Variants in BOC observed in about 807,000 individuals in gnomAD.
The protein encoded by BOC is BOC cell adhesion associated, oncogene regulated, also known as brother of CDO.
In BOC, 76 loss-of-function variants were observed where a neutral mutation model predicts 112.0. The ratio of observed to expected loss-of-function variants is 0.68; its 90% CI spans 0.56 to 0.82. The LOEUF (loss-of-function observed/expected upper bound fraction) is 0.82. Among genes scored for constraint, BOC ranks in the 40% least tolerant of loss-of-function variants. BOC has a pLI of 0.00. For missense variants in BOC, 1,309 were observed against 1,511.7 expected (o/e 0.87, Z 2.22); for synonymous variants, 580 against 599.8 (o/e 0.97, Z 0.48).
chr3:113,245,835 C>T (rs1008762251), intron 2 of BOC, among the ~76,000 whole-genome samples: 11 of 152,196 alleles, frequency 7.2e-5, no homozygotes, highest in African/African-American at 2.4e-4. Context: ...TTAGGACATC[C>T]AAAGGGCATG....
At position 113,280,664 on chromosome 3, in the gene BOC, G is replaced by C. The variant is rs1284300117; in HGVS notation, c.2311+1G>C. On this transcript the variant is annotated splice_donor_variant, in intron 14 of 19. Transcript: ENST00000682979. LOFTEE classifies it high-confidence loss of function. ...GACTACAAGAAGGATATGGTGGAAG[G>C]TGAGACACAGTTCTGTGTTTATAGC... 6.3e-7 allele frequency: 1 copy of C among 1,583,794 alleles called. No homozygotes were observed. The highest frequency in any genetic ancestry group is 8.7e-7 in the Non-Finnish European group (1 of 1,152,414).
chr3:113,247,760 C>T (rs564086739), intron 2 of BOC, among the ~76,000 whole-genome samples: 12 of 152,298 alleles, frequency 7.9e-5, no homozygotes, highest in African/African-American at 2.9e-4. Flanking sequence ...AGCTTTCCAC[C>T]ACCACAGCCC....
chr3:113,273,406 A>G (rs1948351820), intron 8 of BOC, 65 bp downstream of exon 8: 1 of 1,486,224 alleles, frequency 6.7e-7, no homozygotes, highest in African/African-American at 1.4e-5. Context: ...CTCAAATGAA[A>G]TCTAACTTGG....
chr3:113,243,930 A>G (rs1348995436), intron 2 of BOC, among the ~76,000 whole-genome samples: 1 of 152,220 alleles, frequency 6.6e-6, no homozygotes, highest in East Asian at 1.9e-4. Flanking sequence ...TTGTGCAACA[A>G]ACCTCTTCTC....
intron 2 of BOC, among the ~76,000 whole-genome samples, chr3:113,226,599 C>T (rs112610931): frequency 6.6e-6 from 1 of 152,230 alleles, no homozygotes; most frequent in Non-Finnish European, 1.5e-5. Context: ...ACTTTCCCCA[C>T]ATGAGAAATT....
At chr3:113,234,894 G>A (rs952567283) in intron 2 of BOC, among the ~76,000 whole-genome samples, 1 of 152,180 alleles carries the variant, frequency 6.6e-6, no homozygotes, top group Non-Finnish European at 1.5e-5. Flanking sequence ...TTGCTCCCTC[G>A]AGCGCTTCCT....
In BOC at chr3:113,285,705, C is replaced by T. The variant is rs1160851252; in HGVS notation, c.3160+140C>T. 5 of 886,514 alleles carry T rather than the reference C, an allele frequency of 5.6e-6. No individual in the cohort carries two copies. In the Admixed American group the frequency reaches 9.8e-5, roughly 17 times the overall value. 54.9% of individuals were successfully genotyped at this position (886,514 alleles called of 1,614,324 possible). On this transcript the variant is annotated intron_variant, in intron 19 of 19. Coordinates refer to ENST00000682979, the MANE Select transcript of BOC (RefSeq NM_001378074.1). ...CAGCATTTATGTGGGAGGGATGGGG[C>T]ATCGAGGGTGGCTGGCCACTTTCCT... is the stretch of plus-strand genomic sequence containing the variant.
chr3:113,212,183 G>A (rs1489808767), intron 1 of BOC, 167 bp downstream of exon 1: 1 of 150,872 alleles, frequency 6.6e-6, no homozygotes, highest in East Asian at 1.9e-4. Flanking sequence ...TCGGCCGGGC[G>A]CCCGGGGCTG....
At chr3:113,276,226 G>C (rs1380675725) in intron 9 of BOC, among the ~76,000 whole-genome samples, 1 of 152,238 alleles carries the variant, frequency 6.6e-6, no homozygotes, top group African/African-American at 2.4e-5. Context: ...AGGTGGCCGT[G>C]AAGCAGCCTC....
chr3:113,239,425 A>G (rs1475197158), intron 2 of BOC, among the ~76,000 whole-genome samples: 1 of 152,158 alleles, frequency 6.6e-6, no homozygotes, highest in Non-Finnish European at 1.5e-5. Flanking sequence ...GAGAGTAGAC[A>G]AGTTTATGTT....
In BOC at chr3:113,283,424, T is replaced by G; in HGVS notation, c.2448T>G (p.Ser816=). The G allele has an allele frequency of 1.2e-6, 2 of 1,602,812 alleles. No homozygotes were observed. Among genetic ancestry groups the G allele is most frequent in the Non-Finnish European group, 1.7e-6 (2 of 1,170,970 alleles). ...CCACAATTACAGCTCGGAAGTCTTC[T>G]GGCCAGCCTGGTCGACTGCCACCCC... ...MICETKARKS[S]GQPGRLPPPT... The change falls in exon 16 of 20, where the codon TCT becomes TCG. Residue 816 remains serine (S), a synonymous_variant. Coordinates refer to ENST00000682979, the MANE Select transcript of BOC (RefSeq NM_001378074.1).
intron 9 of BOC, among the ~76,000 whole-genome samples, chr3:113,275,883 C>T (rs1948612476): frequency 6.6e-6 from 1 of 152,146 alleles, no homozygotes; most frequent in South Asian, 2.1e-4. Flanking sequence ...CCACAGAGAC[C>T]CTGGGGTTGT....
chr3:113,230,344 TG>T (rs547183901), intron 2 of BOC, among the ~76,000 whole-genome samples: 93 of 152,344 alleles, frequency 6.1e-4, no homozygotes, highest in African/African-American at 2.2e-3. Context: ...TGAAACATGG[TG>T]GCTAGTGCAT....
At position 113,272,600 on chromosome 3, in the gene BOC, C is replaced by T. The variant is rs570637037; in HGVS notation, c.858C>T (p.Ile286=). 1.2e-5 allele frequency: 19 copies of T among 1,614,034 alleles called. No individual in the cohort carries two copies. The highest frequency in any genetic ancestry group is 4.5e-5 in the East Asian group (2 of 44,866). ...GCTTCCTGCTGAGCAACCTCCTCAT[C>T]GACACCACCAGCGAGGAGGACTCAG... ...KTRFLLSNLL[I]DTTSEEDSGT... is the part of the protein sequence containing the mutation. The change falls in exon 7 of 20, where the codon ATC becomes ATT. Residue 286 remains isoleucine (I), a synonymous_variant. Transcript: ENST00000682979.
chr3:113,236,282 GTATATATATATATATATATATA>G (rs71706132), intron 2 of BOC, among the ~76,000 whole-genome samples: 2 of 64,520 alleles, frequency 3.1e-5, no homozygotes, highest in Non-Finnish European at 8.1e-5. Context: ...ATACCCATGG[GTATATATATATATATATATATA>G]TATATATACC....
chr3:113,240,870 T>C (rs1313556014), intron 2 of BOC, among the ~76,000 whole-genome samples: 3 of 152,128 alleles, frequency 2.0e-5, no homozygotes, highest in Non-Finnish European at 4.4e-5. Flanking sequence ...TTCCAGCAGA[T>C]ATACTTGTGA....
chr3:113,260,040 T>A (rs1946649622), intron 4 of BOC, among the ~76,000 whole-genome samples: 1 of 152,198 alleles, frequency 6.6e-6, no homozygotes, highest in Non-Finnish European at 1.5e-5. Context: ...GTAGGTTCTC[T>A]TCCCGGCTTC....
chr3:113,250,925 C>A, intron 4 of BOC, 92 bp downstream of exon 4: 1 of 1,492,470 alleles, frequency 6.7e-7, no homozygotes, highest in Non-Finnish European at 9.1e-7. Context: ...CCTCTTGTTA[C>A]TCTTAGCATA....
rs533652303 is a variant in BOC, at chr3:113,274,341, T to C, written c.1235-34T>C. 6.7e-7 allele frequency: 1 copy of C among 1,485,820 alleles called. No individual in the cohort carries two copies. Among genetic ancestry groups the C allele is most frequent in the East Asian group, 2.3e-5 (1 of 42,998 alleles). 92.0% of individuals were successfully genotyped at this position (1,485,820 alleles called of 1,614,324 possible). Reference sequence around the variant, plus strand: ...CAGCTCAGCAGGTAAACCAGGAGACTAACCTTTCCTTCTGCTTCCTGTTGG... The same window carrying C: ...CAGCTCAGCAGGTAAACCAGGAGACCAACCTTTCCTTCTGCTTCCTGTTGG... On this transcript the variant is annotated intron_variant, in intron 8 of 19. Transcript: ENST00000682979. This position sits in a 1 kb window ranked among gnomAD's most constrained non-coding sequence, Gnocchi z 4.8.
Sources: allele counts gnomAD v4.1 joint callset (sites outside exome capture counted in the v4.1 genomes callset), GRCh38; gene constraint gnomAD v4.1.1; non-coding constraint Gnocchi (gnomAD v3.1); transcripts MANE v1.5; gene names NCBI Gene and HGNC (gene_info 2026-07-23, HGNC 2026-07-21).